Variants in FAT3 observed in about 807,000 individuals in gnomAD.
FAT3 encodes the protein protocadherin Fat 3.
Under a neutral mutation model 310.2 loss-of-function variants are expected in FAT3, and 95 were observed. The observed-to-expected ratio is 0.31, with a 90% CI of 0.26 to 0.36. The LOEUF (loss-of-function observed/expected upper bound fraction) is 0.36. FAT3 is among the 10% of genes least tolerant of loss of function. The pLI is 1.00. For synonymous variants in FAT3, 2,314 were observed against 2,192.9 expected, an observed-to-expected ratio of 1.06 and a Z score of -1.54; for missense variants, 5,408 against 5,715.6, an observed-to-expected ratio of 0.95 and a Z score of 1.74.
At chr11:92,371,731 G>A (rs141128699) in intron 2 of FAT3, among the ~76,000 whole-genome samples, 8 of 152,052 alleles carry the variant, frequency 5.3e-5, no homozygotes, top group East Asian at 1.9e-4. Flanking sequence ...TCCCTGCCCC[G>A]CAAATGGAGG....
chr11:92,622,315 A>C (rs1402739236), intron 3 of FAT3, among the ~76,000 whole-genome samples: 1 of 152,106 alleles, frequency 6.6e-6, no homozygotes, highest in Non-Finnish European at 1.5e-5. Flanking sequence ...ATTATGAAAG[A>C]CTTCCCAAGA....
chr11:92,757,609 A>ATGAT (rs1946037718), intron 4 of FAT3, among the ~76,000 whole-genome samples: 1 of 152,184 alleles, frequency 6.6e-6, no homozygotes. Context: ...GATGCCATTG[A>ATGAT]TGATTCCATT....
intron 3 of FAT3, among the ~76,000 whole-genome samples, chr11:92,608,646 A>G (rs1940417861): frequency 6.6e-6 from 1 of 151,860 alleles, no homozygotes; most frequent in Non-Finnish European, 1.5e-5. Flanking sequence ...TATGCCTATG[A>G]GAATCAGAGA....
At chr11:92,502,050 T>C (rs1302922177) in intron 2 of FAT3, among the ~76,000 whole-genome samples, 4 of 152,062 alleles carry the variant, frequency 2.6e-5, no homozygotes, top group East Asian at 1.9e-4. Context: ...GCTTTTTACA[T>C]TTGTACGTGA....
chr11:92,601,159 T>C (rs191552318), intron 3 of FAT3, among the ~76,000 whole-genome samples: 4 of 152,020 alleles, frequency 2.6e-5, no homozygotes, highest in African/African-American at 9.6e-5. Context: ...AACTGTTTTT[T>C]AAAAGATTAT....
intron 1 of FAT3, among the ~76,000 whole-genome samples, chr11:92,312,112 A>T (rs534622939): frequency 1.6e-3 from 239 of 152,330 alleles, no homozygotes; most frequent in African/African-American, 5.4e-3. Context: ...CAGTCTTAGG[A>T]TACCTTTTCA....
At chr11:92,717,521 C>T (rs1011364559) in intron 4 of FAT3, among the ~76,000 whole-genome samples, 3 of 152,206 alleles carry the variant, frequency 2.0e-5, no homozygotes, top group Non-Finnish European at 4.4e-5. Flanking sequence ...ATGGCTTTGT[C>T]ATCCACCTGA....
chr11:92,835,439 T>C (rs1948380790), intron 15 of FAT3, among the ~76,000 whole-genome samples: 1 of 152,140 alleles, frequency 6.6e-6, no homozygotes, highest in Non-Finnish European at 1.5e-5. Flanking sequence ...GAATATATTC[T>C]TTTTTTCTTT....
intron 3 of FAT3, among the ~76,000 whole-genome samples, chr11:92,545,298 T>C (rs1954580347): frequency 6.6e-6 from 1 of 152,204 alleles, no homozygotes; most frequent in African/African-American, 2.4e-5. Context: ...TTTATTTCTT[T>C]TTATCGCTCA....
rs115038102 is a variant in FAT3, at chr11:92,666,068, A to G, written c.3608-31316A>G. On this transcript the variant is annotated intron_variant, in intron 3 of 27. Coordinates refer to ENST00000525166, the MANE Select transcript of FAT3 (RefSeq NM_001367949.2). ...GCACTCTAAGCTTATATTTTTCTCTATTTAGCACTCTGTTCATAAACACCT... is the reference window on the plus strand; with the variant it reads ...GCACTCTAAGCTTATATTTTTCTCTGTTTAGCACTCTGTTCATAAACACCT... 7.8e-3 allele frequency among the ~76,000 whole-genome samples: 1,186 copies of G among 152,298 alleles called. 17 individuals are homozygous for G. Among genetic ancestry groups the G allele is most frequent in the African/African-American group, 0.027 (1,107 of 41,566 alleles).
At chr11:92,745,274 G>C (rs1224891841) in intron 4 of FAT3, among the ~76,000 whole-genome samples, 1 of 152,178 alleles carries the variant, frequency 6.6e-6, no homozygotes. Flanking sequence ...GATGTCAGGG[G>C]AGTTGTGAAC....
intron 1 of FAT3, among the ~76,000 whole-genome samples, chr11:92,251,161 C>T (rs955475619): frequency 1.3e-5 from 2 of 152,120 alleles, no homozygotes; most frequent in Non-Finnish European, 2.9e-5. Flanking sequence ...ACTGACTATT[C>T]ACCAGACACT....
Position 92,880,829 on chromosome 11 carries a change from G to A in FAT3, c.12226G>A (p.Asp4076Asn), listed in dbSNP as rs753130799. The change falls in exon 23 of 28, where the codon GAT (aspartate) becomes AAT (asparagine). Residue 4076 changes from aspartate (D) to asparagine (N), a missense_variant. By Grantham distance (23) the Asp-to-Asn change is conservative. Around this residue, in one of 5 missense-constraint regions of FAT3, gnomAD observed 649 missense variants for 666.2 expected, o/e 0.97. Coordinates refer to ENST00000525166, the MANE Select transcript of FAT3 (RefSeq NM_001367949.2). ...CCCCTGCCGGAATGGAGGATCCTGC[G>A]ATCCAATAGGAAACACTTTCATCTG... Reference protein sequence around the residue: ...PNPCRNGGSCDPIGNTFICNC... With the variant: ...PNPCRNGGSCNPIGNTFICNC... 11 of 1,613,816 alleles carry A rather than the reference G, an allele frequency of 6.8e-6. No homozygotes were observed. Among genetic ancestry groups the A allele is most frequent in the African/African-American group, 4.0e-5 (3 of 74,902 alleles).
At chr11:92,711,892 T>C (rs564458014) in intron 4 of FAT3, among the ~76,000 whole-genome samples, 14 of 152,196 alleles carry the variant, frequency 9.2e-5, no homozygotes, top group Non-Finnish European at 1.5e-4. Flanking sequence ...CAAAATGATA[T>C]ATTGTAAGCA....
chr11:92,225,479 A>T (rs1565336448), intron 1 of FAT3, among the ~76,000 whole-genome samples: 1 of 151,948 alleles, frequency 6.6e-6, no homozygotes, highest in African/African-American at 2.4e-5. Context: ...AGGGGTTGCG[A>T]GGGGGGTTGC....
At chr11:92,496,963 A>G (rs770869671) in intron 2 of FAT3, among the ~76,000 whole-genome samples, 2 of 151,994 alleles carry the variant, frequency 1.3e-5, no homozygotes, top group Non-Finnish European at 1.5e-5. Flanking sequence ...AAGCTTCACA[A>G]TGATGACTTC....
At chr11:92,234,715 A>G (rs921151602) in intron 1 of FAT3, among the ~76,000 whole-genome samples, 1 of 152,136 alleles carries the variant, frequency 6.6e-6, no homozygotes, top group Non-Finnish European at 1.5e-5. Flanking sequence ...CAGCCTGACC[A>G]ACATGGTGAA....
At chr11:92,385,395 T>A (rs1333836229) in intron 2 of FAT3, among the ~76,000 whole-genome samples, 1 of 152,164 alleles carries the variant, frequency 6.6e-6, no homozygotes, top group African/African-American at 2.4e-5. Context: ...TGAGACAGAA[T>A]CTTGCTCTGT....
At chr11:92,619,998 G>C (rs527994202) in intron 3 of FAT3, among the ~76,000 whole-genome samples, 1 of 152,020 alleles carries the variant, frequency 6.6e-6, no homozygotes, top group African/African-American at 2.4e-5. Flanking sequence ...TTTCCTCTAA[G>C]CATTGCTTTA....
Sources: gnomAD v4.1 joint callset for allele counts (sites outside exome capture counted in the v4.1 genomes callset) on GRCh38, gnomAD v4.1.1 for gene constraint, gnomAD v4.1.1 regional missense constraint, MANE v1.5 for transcripts, NCBI Gene and HGNC (gene_info 2026-07-23, HGNC 2026-07-21) for gene names.